Variants in SYNE1 observed in about 807,000 individuals in gnomAD.
SYNE1 encodes nesprin-1.
SYNE1 carries 616 observed loss-of-function variants against 1,111.0 expected under a neutral mutation model. The ratio of observed to expected loss-of-function variants is 0.55; its 90% CI spans 0.52 to 0.59. SYNE1 has a LOEUF of 0.59. SYNE1 is among the 20% of genes least tolerant of loss of function. SYNE1 has a pLI of 0.00. For missense variants in SYNE1, 10,006 were observed against 10,417.0 expected, an observed-to-expected ratio of 0.96 and a Z score of 1.72; for synonymous variants, 3,855 against 3,825.8, an observed-to-expected ratio of 1.01 and a Z score of -0.28.
intron 4 of SYNE1, among the ~76,000 whole-genome samples, chr6:152,536,898 G>A (rs190916955): frequency 2.6e-3 from 392 of 152,198 alleles, no homozygotes; most frequent in Middle Eastern, 0.01. Flanking sequence ...TCTTGTGTGA[G>A]GGTTAAATAA....
intron 95 of SYNE1, among the ~76,000 whole-genome samples, chr6:152,285,653 A>G (rs2094288510): frequency 6.6e-6 from 1 of 152,134 alleles, no homozygotes; most frequent in South Asian, 2.1e-4. Flanking sequence ...CCTCAACACG[A>G]AAAACTCTTC....
At chr6:152,306,204 G>A (rs889615942) in intron 91 of SYNE1, among the ~76,000 whole-genome samples, 9 of 151,974 alleles carry the variant, frequency 5.9e-5, no homozygotes, top group Non-Finnish European at 8.8e-5. Flanking sequence ...TCCTTACCCC[G>A]GCCAGTCGTG....
chr6:152,200,007 C>T (rs2813537), intron 127 of SYNE1, among the ~76,000 whole-genome samples: 20,795 of 152,216 alleles, frequency 0.14, 1,598 homozygotes, highest in Middle Eastern at 0.26. Context: ...TCTTCTAATA[C>T]TTCTAAACAT....
intron 14 of SYNE1, among the ~76,000 whole-genome samples, chr6:152,480,476 G>A (rs890323086): frequency 1.3e-5 from 2 of 152,118 alleles, no homozygotes; most frequent in African/African-American, 2.4e-5. Flanking sequence ...AGCCAAGATC[G>A]CACCATTGCA....
chr6:152,553,812 G>A (rs535805594), intron 3 of SYNE1, among the ~76,000 whole-genome samples: 3 of 152,334 alleles, frequency 2.0e-5, no homozygotes, highest in Admixed American at 1.3e-4. Flanking sequence ...TCAGCAGGAG[G>A]TTTTTTAGCA....
intron 66 of SYNE1, among the ~76,000 whole-genome samples, chr6:152,355,434 A>AAGC: frequency 6.6e-6 from 1 of 152,338 alleles, no homozygotes; most frequent in South Asian, 2.1e-4. Context: ...TCTTTTGCCA[A>AAGC]AGCTGTACTC....
rs6911096 is a variant in SYNE1 at position 152,330,899 on chromosome 6, A to T, written c.13786T>A (p.Ser4596Thr). ...FPEINLMNES[S>T]ELHTQLAKYQ... is the part of the protein sequence containing the mutation. ...TTAGCCAGTTGTGTATGAAGCTCAG[A>T]ACTCTCATTCATTAGGTTGATTTCA... Residue 4596 changes from serine to threonine, a missense_variant, in exon 78 of 146, where the codon TCT becomes ACT. Around this residue, in one of 7 missense-constraint regions of SYNE1, gnomAD observed 4,955 missense variants for 5,017.2 expected, o/e 0.99. Coordinates refer to ENST00000367255, the MANE Select transcript of SYNE1 (RefSeq NM_182961.4). 0.76 allele frequency: 1,232,973 copies of T among 1,614,046 alleles called. 473,479 individuals carry two copies. The highest frequency in any genetic ancestry group is 0.89 in the African/African-American group (66,655 of 75,016).
At chr6:152,618,312 C>A (rs910766183) in intron 3 of SYNE1, among the ~76,000 whole-genome samples, 3 of 152,038 alleles carry the variant, frequency 2.0e-5, no homozygotes, top group Non-Finnish European at 4.4e-5. Context: ...TAATTCTTGG[C>A]AAGATGAACG....
Position 152,442,202 on chromosome 6 carries a change from T to C in SYNE1, c.3881A>G (p.Gln1294Arg), listed in dbSNP as rs768691274. Residue 1294 changes from glutamine to arginine, a missense_variant, in exon 31 of 146, where the codon CAG (glutamine) becomes CGG (arginine). Gln to Arg is a conservative substitution (Grantham distance 43). Transcript: ENST00000367255. Reference sequence around the variant, plus strand: ...TCCCTGCTGCGCCTGCGCGATCTGCTGCTGCACATCTCTCTTCTTTGCTGA... The same window carrying C: ...TCCCTGCTGCGCCTGCGCGATCTGCCGCTGCACATCTCTCTTCTTTGCTGA... ...RISAKKRDVQ[Q>R]QIAQAQQGEG... 15 of 1,613,670 alleles carry C rather than the reference T, an allele frequency of 9.3e-6. No individual in the cohort carries two copies. The highest frequency in any genetic ancestry group is 1.3e-5 in the Non-Finnish European group (15 of 1,180,042).
chr6:152,456,667 C>T, intron 22 of SYNE1: 1 of 438,654 alleles, frequency 2.3e-6, no homozygotes, highest in Non-Finnish European at 4.5e-6. Flanking sequence ...TGGTGACTTA[C>T]AGACACCTCC....
chr6:152,132,040 G>A (rs966157716), intron 144 of SYNE1, 82 bp downstream of exon 144: 3 of 1,338,396 alleles, frequency 2.2e-6, no homozygotes, highest in Non-Finnish European at 3.2e-6. Flanking sequence ...GCCTGCCTGT[G>A]AACCCTGTGG....
Position 152,344,239 on chromosome 6 carries a change from C to G in SYNE1, c.12079-12G>C. 6.2e-7 allele frequency: 1 copy of G among 1,614,096 alleles called. No homozygotes were observed. Among genetic ancestry groups the G allele is most frequent in the Non-Finnish European group, 8.5e-7 (1 of 1,180,008 alleles). ...AAACTCTGGTACATCTGAGACAATA[C>G]AATCATGCTGAGATTATGAGAACTG... On this transcript the variant is annotated splice_polypyrimidine_tract_variant and intron_variant, in intron 73 of 145. Coordinates refer to ENST00000367255, the MANE Select transcript of SYNE1 (RefSeq NM_182961.4).
intron 8 of SYNE1, among the ~76,000 whole-genome samples, chr6:152,509,714 G>A (rs1277895788): frequency 6.6e-6 from 1 of 151,506 alleles, no homozygotes; most frequent in East Asian, 1.9e-4. Flanking sequence ...GAGACCAAAG[G>A]GAAAAAATTT....
intron 53 of SYNE1, among the ~76,000 whole-genome samples, chr6:152,388,509 G>A (rs1428524344): frequency 6.6e-6 from 1 of 152,120 alleles, no homozygotes; most frequent in African/African-American, 2.4e-5. Context: ...CCGTTGCCCA[G>A]AGTAGTTTCA....
intron 38 of SYNE1, among the ~76,000 whole-genome samples, chr6:152,426,928 G>A (rs1412939659): frequency 1.3e-5 from 2 of 152,202 alleles, no homozygotes; most frequent in African/African-American, 2.4e-5. Context: ...GCAAAAGAAC[G>A]TAGCTTCCTC....
rs781538388 is a variant in SYNE1 at position 152,390,450 on chromosome 6, A to G, written c.8007T>C (p.Asp2669=). The G allele has an allele frequency of 6.2e-7, 1 of 1,614,008 alleles. No homozygotes were observed. The highest frequency in any genetic ancestry group is 1.1e-5 in the South Asian group (1 of 91,090). Reference sequence around the variant, plus strand: ...CCCCTTCACCTTTCATCAGGAGAATATCCTGGGAAGGAAGAAAGAATACTC... The same window carrying G: ...CCCCTTCACCTTTCATCAGGAGAATGTCCTGGGAAGGAAGAAAGAATACTC... The part of the protein sequence containing the change: ...TLEKRLSQIQ[D]ILLMKGEGEV... Residue 2669 remains aspartate, a splice_region_variant and synonymous_variant, in exon 53 of 146, where the codon GAT becomes GAC. Coordinates refer to ENST00000367255, the MANE Select transcript of SYNE1 (RefSeq NM_182961.4).
At chr6:152,616,020 G>C (rs978525323) in intron 3 of SYNE1, among the ~76,000 whole-genome samples, 22 of 152,140 alleles carry the variant, frequency 1.4e-4, no homozygotes, top group African/African-American at 4.3e-4. Context: ...AATAAGCAAA[G>C]TAATTACTAG....
chr6:152,252,787 C>A (rs1383789825), intron 104 of SYNE1, among the ~76,000 whole-genome samples: 2 of 152,112 alleles, frequency 1.3e-5, no homozygotes, highest in Non-Finnish European at 2.9e-5. Flanking sequence ...TGGCCACCAA[C>A]AAATAGAAAC....
chr6:152,564,700 G>GA (rs142639533), intron 3 of SYNE1, among the ~76,000 whole-genome samples: 7 of 150,568 alleles, frequency 4.6e-5, no homozygotes, highest in South Asian at 2.1e-4. Flanking sequence ...GATTTCTAGG[G>GA]AAAAAAAAAT....
Sources: allele counts gnomAD v4.1 joint callset (sites outside exome capture counted in the v4.1 genomes callset), GRCh38; gene constraint gnomAD v4.1.1; regional missense constraint gnomAD v4.1.1; transcripts MANE v1.5; gene names NCBI Gene and HGNC (gene_info 2026-07-23, HGNC 2026-07-21).